Variants in STXBP5L observed in about 807,000 individuals in gnomAD.
STXBP5L encodes syntaxin-binding protein 5-like.
In STXBP5L, 65 loss-of-function variants were observed where a neutral mutation model predicts 144.5. The observed-to-expected ratio is 0.45, with a 90% CI of 0.37 to 0.55. STXBP5L has a LOEUF of 0.55. STXBP5L is among the 20% of genes least tolerant of loss of function. The pLI is 0.00. For synonymous variants in STXBP5L, 505 were observed against 469.6 expected (o/e 1.08, Z -0.97); for missense variants, 1,298 against 1,405.5 (o/e 0.92, Z 1.22).
At chr3:121,319,911 G>C (rs900251691) in intron 20 of STXBP5L, among the ~76,000 whole-genome samples, 1 of 152,060 alleles carries the variant, frequency 6.6e-6, no homozygotes, top group Non-Finnish European at 1.5e-5. Context: ...GAGGCCATGA[G>C]TTTGAAGACC....
At chr3:121,250,601 T>A in intron 14 of STXBP5L, 122 bp from the exon 15 acceptor site, 1 of 773,678 alleles carries the variant, frequency 1.3e-6, no homozygotes, top group Non-Finnish European at 2.1e-6. Context: ...ACATTAGTTT[T>A]CATTAAAGTG....
At chr3:121,304,027 T>A (rs338963) in intron 19 of STXBP5L, among the ~76,000 whole-genome samples, 97,061 of 138,184 alleles carry the variant, frequency 0.7, 31,986 homozygotes, top group East Asian at 0.87. Context: ...TTAAAGTATA[T>A]AAAAAAAAAA....
intron 9 of STXBP5L, among the ~76,000 whole-genome samples, chr3:121,202,663 G>A (rs2048181447): frequency 6.6e-6 from 1 of 151,920 alleles, no homozygotes; most frequent in South Asian, 2.1e-4. Context: ...AGACAGTTTT[G>A]CTCAACATAA....
chr3:121,043,540 C>A (rs2107557794), intron 4 of STXBP5L, among the ~76,000 whole-genome samples: 1 of 152,200 alleles, frequency 6.6e-6, no homozygotes, highest in Middle Eastern at 3.4e-3. Flanking sequence ...GAAACCCCGT[C>A]TCTACTAAAA....
intron 20 of STXBP5L, among the ~76,000 whole-genome samples, chr3:121,345,310 T>A (rs1319142840): frequency 6.6e-6 from 1 of 152,138 alleles, no homozygotes; most frequent in East Asian, 1.9e-4. Context: ...GTTTCCAGCT[T>A]CATCCATGTC....
intron 9 of STXBP5L, among the ~76,000 whole-genome samples, chr3:121,193,968 T>G (rs1228300582): frequency 1.2e-4 from 1 of 8,046 alleles, no homozygotes; most frequent in Non-Finnish European, 2.2e-4. Flanking sequence ...AGTTAACATA[T>G]AATAATAATA....
At chr3:120,986,264 C>G (rs1261846809) in intron 3 of STXBP5L, among the ~76,000 whole-genome samples, 1 of 151,714 alleles carries the variant, frequency 6.6e-6, no homozygotes, top group African/African-American at 2.4e-5. Context: ...TTTGTATGTT[C>G]TGTATTTTTG....
chr3:121,014,978 C>T (rs1245124357), intron 3 of STXBP5L, among the ~76,000 whole-genome samples: 1 of 151,910 alleles, frequency 6.6e-6, no homozygotes, highest in South Asian at 2.1e-4. Flanking sequence ...GACCTCTATA[C>T]TGAAAATTAT....
intron 6 of STXBP5L, among the ~76,000 whole-genome samples, chr3:121,117,243 T>A (rs2044271694): frequency 6.6e-6 from 1 of 151,850 alleles, no homozygotes; most frequent in South Asian, 2.1e-4. Context: ...TGATTCAGCA[T>A]TAGAATAGCA....
At chr3:121,121,346 T>A (rs1341748210) in intron 6 of STXBP5L, among the ~76,000 whole-genome samples, 1 of 151,284 alleles carries the variant, frequency 6.6e-6, no homozygotes, top group Non-Finnish European at 1.5e-5. Flanking sequence ...ATTAAAAAAA[T>A]TCAGAGGCGC....
At chr3:121,053,501 C>T (rs1053386522) in intron 5 of STXBP5L, among the ~76,000 whole-genome samples, 1 of 152,148 alleles carries the variant, frequency 6.6e-6, no homozygotes, top group Non-Finnish European at 1.5e-5. Flanking sequence ...AAAGGATTCC[C>T]TATTTAATAA....
At chr3:121,063,835 C>G (rs1437023737) in intron 5 of STXBP5L, among the ~76,000 whole-genome samples, 1 of 152,056 alleles carries the variant, frequency 6.6e-6, no homozygotes, top group Non-Finnish European at 1.5e-5. Context: ...GAGGACGCCC[C>G]TCCCCCCACC....
At chr3:121,077,516 G>A (rs939875973) in intron 5 of STXBP5L, among the ~76,000 whole-genome samples, 7 of 152,134 alleles carry the variant, frequency 4.6e-5, no homozygotes, top group African/African-American at 9.7e-5. Context: ...GACCCAAAGA[G>A]TGAGCAGCAG....
chr3:121,175,399 T>A (rs2046893541), intron 9 of STXBP5L, among the ~76,000 whole-genome samples: 1 of 152,134 alleles, frequency 6.6e-6, no homozygotes, highest in Non-Finnish European at 1.5e-5. Flanking sequence ...CATAAAAATA[T>A]TTATCTCCAT....
chr3:121,402,291 T>C (rs2046897036), intron 22 of STXBP5L, among the ~76,000 whole-genome samples: 1 of 152,158 alleles, frequency 6.6e-6, no homozygotes, highest in African/African-American at 2.4e-5. Flanking sequence ...TAGATAGGAA[T>C]TGAGAAGTTC....
intron 7 of STXBP5L, among the ~76,000 whole-genome samples, chr3:121,126,674 T>A (rs369832838): frequency 1.3e-5 from 2 of 152,308 alleles, no homozygotes; most frequent in East Asian, 3.9e-4. Flanking sequence ...TGTGTTAGTT[T>A]CCCATTGTCA....
intron 21 of STXBP5L, among the ~76,000 whole-genome samples, chr3:121,380,240 A>G (rs1257880613): frequency 2.6e-5 from 4 of 152,194 alleles, no homozygotes; most frequent in Non-Finnish European, 5.9e-5. Context: ...TGTAAAACAT[A>G]TAACCTCCAA....
intron 2 of STXBP5L, among the ~76,000 whole-genome samples, 199 bp from the exon 3 acceptor site, chr3:120,954,741 A>T (rs187197329): frequency 3.6e-4 from 55 of 152,218 alleles, no homozygotes; most frequent in African/African-American, 1.3e-3. Context: ...AAGATATTTT[A>T]AAAAAGTGTT....
intron 15 of STXBP5L, among the ~76,000 whole-genome samples, chr3:121,252,178 G>A (rs965753003): frequency 2.0e-5 from 3 of 151,970 alleles, no homozygotes; most frequent in Admixed American, 6.6e-5. Flanking sequence ...TGGGCAACAC[G>A]GTGAAACCCT....
Sources: gnomAD v4.1 joint callset for allele counts (sites outside exome capture counted in the v4.1 genomes callset) on GRCh38, gnomAD v4.1.1 for gene constraint, MANE v1.5 for transcripts, NCBI Gene and HGNC (gene_info 2026-07-23, HGNC 2026-07-21) for gene names.